PCP4L1: variants seen among roughly 807,000 people sequenced by gnomAD.
The protein encoded by PCP4L1 is Purkinje cell protein 4-like protein 1.
PCP4L1 carries 9 observed loss-of-function variants against 9.6 expected under a neutral mutation model. The observed-to-expected ratio is 0.94, with a 90% CI of 0.57 to 1.64. The LOEUF (loss-of-function observed/expected upper bound fraction) is 1.64. Among genes scored for constraint, PCP4L1 ranks in the 40% most tolerant of loss-of-function variants. PCP4L1 has a pLI of 0.00. For synonymous variants in PCP4L1, 31 were observed against 28.2 expected, an observed-to-expected ratio of 1.10 and a Z score of -0.31; for missense variants, 81 against 80.8, an observed-to-expected ratio of 1.00 and a Z score of -0.01.
intron 1 of PCP4L1, among the ~76,000 whole-genome samples, chr1:161,276,469 G>C (rs970484966): frequency 5.3e-5 from 8 of 152,098 alleles, no homozygotes; most frequent in African/African-American, 1.9e-4. Flanking sequence ...GATTGCTTGA[G>C]TCCAGGAGTT....
At chr1:161,266,892 G>A (rs1669541055) in intron 1 of PCP4L1, among the ~76,000 whole-genome samples, 1 of 152,122 alleles carries the variant, frequency 6.6e-6, no homozygotes, top group Non-Finnish European at 1.5e-5. Flanking sequence ...TCTTCCAGGG[G>A]CACTAGAGGA....
intron 1 of PCP4L1, 21 bp downstream of exon 1, chr1:161,259,004 C>A (rs1317186016): frequency 1.3e-5 from 20 of 1,530,638 alleles, no homozygotes; most frequent in Non-Finnish European, 1.7e-5. Context: ...CGGCCCCCGG[C>A]GCTGTCGGCA....
intron 1 of PCP4L1, among the ~76,000 whole-genome samples, chr1:161,283,054 A>T (rs1237401679): frequency 6.6e-6 from 1 of 152,128 alleles, no homozygotes; most frequent in African/African-American, 2.4e-5. Context: ...AAAGACTTCT[A>T]AAGCCCTACA....
intron 1 of PCP4L1, among the ~76,000 whole-genome samples, chr1:161,268,490 T>C (rs1480991790): frequency 1.3e-5 from 2 of 151,948 alleles, no homozygotes; most frequent in South Asian, 2.1e-4. Flanking sequence ...TTTGGAATAA[T>C]AACTATTTAT....
intron 1 of PCP4L1, among the ~76,000 whole-genome samples, chr1:161,281,633 G>T (rs1669806779): frequency 1.3e-5 from 2 of 151,958 alleles, no homozygotes; most frequent in Non-Finnish European, 2.9e-5. Context: ...TCCCGGACGG[G>T]GTGGCTGCCG....
Position 161,258,769 on chromosome 1 carries a change from C to T in PCP4L1, c.-206C>T. The T allele has an allele frequency of 1.2e-5, 9 of 763,590 alleles. No homozygotes were observed. Among genetic ancestry groups the T allele is most frequent in the African/African-American group, 5.4e-5 (3 of 56,060 alleles). 47.3% of individuals were successfully genotyped at this position (763,590 alleles called of 1,614,324 possible). ...TGAGCGGCTCTGACAGGACGGGTCG[C>T]AGGGGGTCGCCTGGCCGGAGCTGGG... On this transcript the variant is annotated 5_prime_UTR_variant, in exon 1 of 3. Transcript: ENST00000504449.
intron 1 of PCP4L1, among the ~76,000 whole-genome samples, chr1:161,279,598 G>C (rs1425556526): frequency 6.6e-6 from 1 of 152,184 alleles, no homozygotes; most frequent in Non-Finnish European, 1.5e-5. Flanking sequence ...CTGTAAAATG[G>C]GGGATAATAT....
intron 1 of PCP4L1, 58 bp from the exon 2 acceptor site, chr1:161,283,610 T>C (rs1240889081): frequency 4.7e-6 from 7 of 1,475,534 alleles, no homozygotes; most frequent in Non-Finnish European, 6.5e-6. Context: ...AAGGTGATGA[T>C]GCCTTCAAAT....
intron 1 of PCP4L1, among the ~76,000 whole-genome samples, chr1:161,266,233 C>G (rs1284191991): frequency 6.6e-6 from 1 of 152,294 alleles, no homozygotes; most frequent in South Asian, 2.1e-4. Context: ...TTGGTGCTGC[C>G]TCCCTCCCAC....
At chr1:161,264,034 C>G (rs897220439) in intron 1 of PCP4L1, among the ~76,000 whole-genome samples, 1 of 150,768 alleles carries the variant, frequency 6.6e-6, no homozygotes, top group Non-Finnish European at 1.5e-5. Flanking sequence ...CTCAGCCTCC[C>G]AAGTAGCTGA....
rs1184933727 is a variant in PCP4L1, at chr1:161,284,328, A to G, written c.65-11A>G. The G allele has an allele frequency of 1.2e-6, 2 of 1,613,984 alleles. No homozygotes were observed. The highest frequency in any genetic ancestry group is 8.5e-7 in the Non-Finnish European group (1 of 1,179,888). On this transcript the variant is annotated splice_polypyrimidine_tract_variant and intron_variant, in intron 2 of 2. Coordinates refer to ENST00000504449, the MANE Select transcript of PCP4L1 (RefSeq NM_001102566.2). The stretch of plus-strand genomic sequence containing the variant: ...GATTAACTCATTAATGAGTCTCCCA[A>G]CTATCTGCAGGAAAAGCTGGCAATG...
chr1:161,284,574 C>T lies in PCP4L1; in HGVS notation c.*93C>T. 6.7e-7 allele frequency: 1 copy of T among 1,498,362 alleles called. No homozygotes were observed. The highest frequency in any genetic ancestry group is 9.0e-7 in the Non-Finnish European group (1 of 1,113,074). 92.8% of individuals were successfully genotyped at this position (1,498,362 alleles called of 1,614,324 possible). ...TATCTTTATCCCTTGTCCCTCTAGC[C>T]TTTCCTTGAGGCAAGTTCAACCTTT... On this transcript the variant is annotated 3_prime_UTR_variant, in exon 3 of 3. Transcript: ENST00000504449.
At chr1:161,281,702 T>C (rs1437610407) in intron 1 of PCP4L1, among the ~76,000 whole-genome samples, 3 of 138,030 alleles carry the variant, frequency 2.2e-5, no homozygotes, top group African/African-American at 5.5e-5. Context: ...GGCTCCTCAC[T>C]TCTCAGACGG....
intron 1 of PCP4L1, among the ~76,000 whole-genome samples, chr1:161,259,526 C>T (rs961116324): frequency 6.6e-6 from 1 of 152,208 alleles, no homozygotes; most frequent in Non-Finnish European, 1.5e-5. Context: ...GAAGCCCCTG[C>T]CAGTTGCTGG....
intron 1 of PCP4L1, among the ~76,000 whole-genome samples, chr1:161,268,551 C>CTTTTTTTTTTTTT (rs10654377): frequency 8.8e-6 from 1 of 114,054 alleles, no homozygotes; most frequent in African/African-American, 3.4e-5. Flanking sequence ...TTCCTTTTAC[C>CTTTTTTTTTTTTT]TTTTTTTTTT....
intron 1 of PCP4L1, among the ~76,000 whole-genome samples, chr1:161,276,865 A>G (rs1669708860): frequency 1.3e-5 from 2 of 152,056 alleles, no homozygotes; most frequent in African/African-American, 4.8e-5. Context: ...CCCATGTCAA[A>G]TACAATATCG....
chr1:161,270,815 C>T (rs1669612169), intron 1 of PCP4L1, among the ~76,000 whole-genome samples: 1 of 150,066 alleles, frequency 6.7e-6, no homozygotes. Context: ...GTGGAGGTCG[C>T]AGTGAGCTGA....
chr1:161,272,696 T>C (rs956916513), intron 1 of PCP4L1, among the ~76,000 whole-genome samples: 3 of 151,992 alleles, frequency 2.0e-5, no homozygotes, highest in Non-Finnish European at 2.9e-5. Context: ...TTTATTTTTA[T>C]TTAAGGATAA....
At chr1:161,282,092 G>T (rs906129131) in intron 1 of PCP4L1, among the ~76,000 whole-genome samples, 12 of 152,174 alleles carry the variant, frequency 7.9e-5, no homozygotes, top group Non-Finnish European at 4.4e-5. Context: ...TCCAGCCGGG[G>T]CACCATTGAG....
Sources: gnomAD v4.1 joint callset for allele counts (sites outside exome capture counted in the v4.1 genomes callset) on GRCh38, gnomAD v4.1.1 for gene constraint, MANE v1.5 for transcripts, NCBI Gene and HGNC (gene_info 2026-07-23, HGNC 2026-07-21) for gene names.